YES1: variants seen among roughly 807,000 people sequenced by gnomAD.
YES1 encodes the protein YES proto-oncogene 1, Src family tyrosine kinase, also known as tyrosine-protein kinase Yes.
A neutral mutation model predicts 70.4 loss-of-function variants in YES1; 39 were observed. That is an observed-to-expected ratio of 0.55 (90% CI 0.43 to 0.72). YES1 has a LOEUF of 0.72. Among genes scored for constraint, YES1 ranks in the 30% least tolerant of loss-of-function variants. YES1 has a pLI of 0.00. For synonymous variants in YES1, 198 were observed against 218.6 expected (o/e 0.91, Z 0.83); for missense variants, 495 against 644.8 (o/e 0.77, Z 2.52).
chr18:793,449 A>G (rs891723796), intron 1 of YES1, among the ~76,000 whole-genome samples: 1 of 152,074 alleles, frequency 6.6e-6, no homozygotes, highest in African/African-American at 2.4e-5. Context: ...CAATCCTCCC[A>G]TCTCAGCCTC....
At chr18:733,902 G>A (rs1347773775) in intron 10 of YES1, among the ~76,000 whole-genome samples, 2 of 150,900 alleles carry the variant, frequency 1.3e-5, no homozygotes, top group Admixed American at 1.3e-4. Flanking sequence ...TTTGTAGATA[G>A]TGTTTTAAAA....
chr18:733,011 A>C, intron 10 of YES1, 46 bp from the exon 11 acceptor site: 2 of 1,599,946 alleles, frequency 1.3e-6, no homozygotes, highest in Non-Finnish European at 1.7e-6. Context: ...TTAAAAATCT[A>C]TTTGTGTAAA....
chr18:757,414 A>G (rs1170772967), intron 1 of YES1, among the ~76,000 whole-genome samples: 1 of 151,686 alleles, frequency 6.6e-6, no homozygotes, highest in Non-Finnish European at 1.5e-5. Flanking sequence ...GAGGCAGGAG[A>G]ATGGCGTGAA....
chr18:765,323 T>C (rs1201175611), intron 1 of YES1, among the ~76,000 whole-genome samples: 6 of 140,920 alleles, frequency 4.3e-5, no homozygotes, highest in African/African-American at 1.3e-4. Flanking sequence ...ATATGAAACA[T>C]GAAGCAAACA....
chr18:793,184 C>T (rs1033735109), intron 1 of YES1, among the ~76,000 whole-genome samples: 3 of 151,946 alleles, frequency 2.0e-5, no homozygotes, highest in South Asian at 2.1e-4. Flanking sequence ...GGACTACAGG[C>T]GCATGCCACC....
intron 1 of YES1, among the ~76,000 whole-genome samples, chr18:784,847 T>A (rs1161965225): frequency 6.6e-6 from 1 of 152,232 alleles, no homozygotes. Context: ...TCAGGAACTT[T>A]AACTCTACCT....
intron 11 of YES1, among the ~76,000 whole-genome samples, chr18:727,018 C>A (rs2080028957): frequency 6.6e-6 from 1 of 152,026 alleles, no homozygotes; most frequent in Admixed American, 6.6e-5. Context: ...CTCTTAAAAT[C>A]GTCAAAGAAA....
intron 11 of YES1, among the ~76,000 whole-genome samples, chr18:727,982 G>A (rs1271722949): frequency 2.6e-5 from 4 of 152,034 alleles, no homozygotes; most frequent in South Asian, 2.1e-4. Context: ...TTTGGATTTT[G>A]GAATATTTGC....
At chr18:790,654 C>T (rs1906199599) in intron 1 of YES1, among the ~76,000 whole-genome samples, 1 of 151,958 alleles carries the variant, frequency 6.6e-6, no homozygotes, top group African/African-American at 2.4e-5. Flanking sequence ...ATAACTCCTG[C>T]CAATAAAGTT....
chr18:763,989 C>T (rs570662629), intron 1 of YES1, among the ~76,000 whole-genome samples: 244 of 151,684 alleles, frequency 1.6e-3, no homozygotes, highest in African/African-American at 5.5e-3. Context: ...GGTGTGGTGG[C>T]GGGCACTGTA....
chr18:798,055 A>G (rs953611100), intron 1 of YES1: 8 of 152,240 alleles, frequency 5.3e-5, no homozygotes, highest in Non-Finnish European at 2.9e-5. Flanking sequence ...CACAGGGGTC[A>G]GCACAACCAA....
At chr18:764,947 A>G (rs1192800964) in intron 1 of YES1, among the ~76,000 whole-genome samples, 3 of 150,946 alleles carry the variant, frequency 2.0e-5, no homozygotes, top group Admixed American at 6.6e-5. Context: ...TGTTGGCCAG[A>G]CTAGTCTCAA....
chr18:774,504 T>C (rs1173622382), intron 1 of YES1, among the ~76,000 whole-genome samples: 1 of 152,172 alleles, frequency 6.6e-6, no homozygotes, highest in Non-Finnish European at 1.5e-5. Flanking sequence ...CCCAACTCGA[T>C]AAATGTTAAC....
chr18:791,666 T>A (rs1906256630), intron 1 of YES1, among the ~76,000 whole-genome samples: 2 of 152,346 alleles, frequency 1.3e-5, no homozygotes, highest in South Asian at 4.1e-4. Flanking sequence ...TTAATTTTAA[T>A]ATCTTATTTA....
chr18:747,784 C>A, intron 4 of YES1, 136 bp downstream of exon 4: 1 of 681,174 alleles, frequency 1.5e-6, no homozygotes, highest in Admixed American at 2.8e-5. Flanking sequence ...TTTTAAGTAA[C>A]ATCTATTAAT....
Position 747,962 on chromosome 18 carries a change from G to C in YES1, c.428C>G (p.Pro143Arg). ...SIATGKNGYI[P>R]SNYVAPADSI... ...ATCTGCAGGCGCTACATAATTGCTC[G>C]GGATATAACCATTCTTTCCTGTAGC... The change falls in exon 4 of 12, where the codon CCG becomes CGG. Residue 143 changes from proline to arginine, a missense_variant. Transcript: ENST00000314574. The C allele has an allele frequency of 1.2e-6, 2 of 1,613,724 alleles. No homozygotes were observed. Among genetic ancestry groups the C allele is most frequent in the Non-Finnish European group, 1.7e-6 (2 of 1,179,934 alleles).
At chr18:795,150 C>T (rs189696184) in intron 1 of YES1, among the ~76,000 whole-genome samples, 170 of 152,210 alleles carry the variant, frequency 1.1e-3, no homozygotes, top group African/African-American at 3.3e-3. Context: ...TAACTGAATC[C>T]GCAACTGCAA....
intron 1 of YES1, among the ~76,000 whole-genome samples, chr18:796,375 T>G (rs1407626605): frequency 1.3e-5 from 2 of 152,216 alleles, no homozygotes; most frequent in Non-Finnish European, 2.9e-5. Context: ...TATGTTAAAG[T>G]ATTTATACAG....
At chr18:739,450 T>A (rs899942463) in intron 9 of YES1, 1 of 240,926 alleles carries the variant, frequency 4.2e-6, no homozygotes, top group Non-Finnish European at 7.9e-6. Flanking sequence ...AATAATTTTT[T>A]AAATTAGCTG....
Sources: allele counts gnomAD v4.1 joint callset (sites outside exome capture counted in the v4.1 genomes callset), GRCh38; gene constraint gnomAD v4.1.1; transcripts MANE v1.5; gene names NCBI Gene and HGNC (gene_info 2026-07-23, HGNC 2026-07-21).